Variants in FANCL observed in about 807,000 individuals in gnomAD.
The protein encoded by FANCL is E3 ubiquitin-protein ligase FANCL.
In FANCL, 69 loss-of-function variants were observed where a neutral mutation model predicts 59.4. The ratio of observed to expected loss-of-function variants is 1.16; its 90% confidence interval spans 0.96 to 1.42. FANCL has a LOEUF of 1.42. FANCL is among the 40% of genes most tolerant of loss of function. The pLI is 0.00. For synonymous variants in FANCL, 180 were observed against 147.1 expected, an observed-to-expected ratio of 1.22 and a Z score of -1.62; for missense variants, 519 against 447.2, an observed-to-expected ratio of 1.16 and a Z score of -1.45.
intron 4 of FANCL, among the ~76,000 whole-genome samples, chr2:58,224,339 C>T (rs1438522491): frequency 6.6e-6 from 1 of 151,674 alleles, no homozygotes; most frequent in Non-Finnish European, 1.5e-5. Context: ...GAGATGTAAA[C>T]CAAATATGCT....
At chr2:58,179,498 T>G (rs972510369) in intron 7 of FANCL, among the ~76,000 whole-genome samples, 16 of 152,300 alleles carry the variant, frequency 1.1e-4, no homozygotes, top group African/African-American at 3.6e-4. Flanking sequence ...GATTCCCTAT[T>G]TATTAAACGG....
At position 58,162,861 on chromosome 2, in the gene FANCL, C is replaced by G; in HGVS notation, c.903+5G>C. On this transcript the variant is annotated splice_donor_5th_base_variant and intron_variant, in intron 11 of 13. Coordinates refer to ENST00000233741, the MANE Select transcript of FANCL (RefSeq NM_018062.4). ...CTGGAATATCAAAACACTGATAAAA[C>G]TTACAGATTTTTCCAGGATAGCACG... The G allele has an allele frequency of 6.2e-7, 1 of 1,609,350 alleles. No homozygotes were observed. Among genetic ancestry groups the G allele is most frequent in the South Asian group, 1.1e-5 (1 of 90,952 alleles).
chr2:58,237,674 G>A lies in FANCL; in HGVS notation c.96+3544C>T, dbSNP rs372722648. ...ATAAACCTCTATCTAGATGTATCGG[G>A]GGAAAAAATGAGACATAAATTACCT... On this transcript the variant is annotated intron_variant, in intron 1 of 13. Transcript: ENST00000233741. 3.3e-4 allele frequency among the ~76,000 whole-genome samples: 50 copies of A among 152,088 alleles called. No individual in the cohort carries two copies. The South Asian group carries it at 9.8e-3, about 30-fold the overall frequency.
At chr2:58,220,555 C>T (rs1256403797) in intron 5 of FANCL, among the ~76,000 whole-genome samples, 1 of 152,118 alleles carries the variant, frequency 6.6e-6, no homozygotes, top group Non-Finnish European at 1.5e-5. Flanking sequence ...TACATGGGAA[C>T]AATTTGGAAC....
chr2:58,163,759 A>C (rs916077561), intron 8 of FANCL, among the ~76,000 whole-genome samples: 2 of 151,994 alleles, frequency 1.3e-5, no homozygotes. Flanking sequence ...ATTTAATTAG[A>C]TTGCAATTCT....
intron 7 of FANCL, among the ~76,000 whole-genome samples, chr2:58,172,584 G>C (rs998519533): frequency 1.3e-5 from 2 of 152,166 alleles, no homozygotes; most frequent in Non-Finnish European, 2.9e-5. Context: ...AGGACTCTTA[G>C]CTGAGGGTCT....
intron 7 of FANCL, among the ~76,000 whole-genome samples, chr2:58,187,331 C>T (rs979124112): frequency 2.0e-5 from 3 of 149,322 alleles, no homozygotes; most frequent in Non-Finnish European, 4.4e-5. Context: ...AACCAAACAC[C>T]GCATGTTCTC....
At chr2:58,231,601 A>C (rs1693584191) in intron 2 of FANCL, among the ~76,000 whole-genome samples, 2 of 152,160 alleles carry the variant, frequency 1.3e-5, no homozygotes. Flanking sequence ...GGTGGTACCT[A>C]AATTTTCAGT....
intron 5 of FANCL, chr2:58,213,535 T>C (rs144175012): frequency 1.9e-4 from 29 of 152,270 alleles, no homozygotes; most frequent in Middle Eastern, 3.4e-3. Flanking sequence ...TTTTAAACAG[T>C]ATAAAACAAA....
At chr2:58,183,112 A>G (rs563337261) in intron 7 of FANCL, among the ~76,000 whole-genome samples, 2 of 152,014 alleles carry the variant, frequency 1.3e-5, no homozygotes, top group Admixed American at 6.6e-5. Context: ...ATGAAACAAT[A>G]GCAAAATATC....
At chr2:58,219,160 AAAAAAAAAAAAATATATATATATATATAT>A (rs1357509607) in intron 5 of FANCL, among the ~76,000 whole-genome samples, 1 of 97,396 alleles carries the variant, frequency 1.0e-5, no homozygotes, top group East Asian at 2.6e-4. Flanking sequence ...AAAAAAAAAA[AAAAAAAAAAAAATATATATATATATATAT>A]ATATATATAT....
chr2:58,202,674 T>TTAGA (rs1325242233), intron 6 of FANCL, among the ~76,000 whole-genome samples: 2 of 151,850 alleles, frequency 1.3e-5, no homozygotes, highest in Non-Finnish European at 2.9e-5. Context: ...AAGCATCATC[T>TTAGA]TATCTACCTT....
chr2:58,173,732 C>A (rs1288968598), intron 7 of FANCL, among the ~76,000 whole-genome samples: 1 of 152,112 alleles, frequency 6.6e-6, no homozygotes, highest in Admixed American at 6.6e-5. Context: ...CATCAACTAA[C>A]AAGCAAAATA....
At chr2:58,164,937 T>C (rs1685734303) in intron 8 of FANCL, among the ~76,000 whole-genome samples, 1 of 152,090 alleles carries the variant, frequency 6.6e-6, no homozygotes, top group Non-Finnish European at 1.5e-5. Context: ...TATACCTAGG[T>C]ATAAAGTATA....
intron 7 of FANCL, among the ~76,000 whole-genome samples, chr2:58,186,568 T>C (rs552357079): frequency 9.9e-4 from 151 of 152,292 alleles, no homozygotes; most frequent in Non-Finnish European, 1.8e-3. Context: ...GTAGAAAAAG[T>C]TCCTCAGAAT....
At chr2:58,163,191 T>C in intron 9 of FANCL, 117 bp from the exon 10 acceptor site, 1 of 966,016 alleles carries the variant, frequency 1.0e-6, no homozygotes, top group Middle Eastern at 3.2e-4. Context: ...TTATATGTAT[T>C]ATGTTAAAAA....
chr2:58,217,757 C>A (rs982627404), intron 5 of FANCL, among the ~76,000 whole-genome samples: 1 of 151,188 alleles, frequency 6.6e-6, no homozygotes, highest in Non-Finnish European at 1.5e-5. Context: ...GAGAATTTAA[C>A]ACAGCTCTCT....
chr2:58,221,824 C>T, intron 5 of FANCL, 118 bp downstream of exon 5: 1 of 704,798 alleles, frequency 1.4e-6, no homozygotes, highest in Non-Finnish European at 2.5e-6. Context: ...GGATCAAATA[C>T]TCTAGTTACA....
intron 5 of FANCL, among the ~76,000 whole-genome samples, chr2:58,211,400 T>C (rs568427808): frequency 1.2e-4 from 18 of 152,102 alleles, no homozygotes; most frequent in African/African-American, 3.6e-4. Context: ...TGGGACCCTG[T>C]GCCCACTTTT....
Sources: allele counts gnomAD v4.1 joint callset (sites outside exome capture counted in the v4.1 genomes callset), GRCh38; gene constraint gnomAD v4.1.1; transcripts MANE v1.5; gene names NCBI Gene and HGNC (gene_info 2026-07-23, HGNC 2026-07-21).